The following METTL2B variants were observed in gnomAD, a reference collection of about 807,000 sequenced individuals.
The protein encoded by METTL2B is methyltransferase 2B, tRNA N3-cytidine.
METTL2B carries 28 observed loss-of-function variants against 51.0 expected under a neutral mutation model. The ratio of observed to expected loss-of-function variants is 0.55; its 90% CI spans 0.41 to 0.75. The LOEUF is 0.75. METTL2B is among the 30% of genes least tolerant of loss of function. The pLI, the probability that METTL2B is intolerant of heterozygous loss-of-function variation, is 0.00. For missense variants in METTL2B, 313 were observed against 460.7 expected (o/e 0.68, Z 2.93); for synonymous variants, 128 against 166.3 (o/e 0.77, Z 1.77).
chr7:128,501,769 G>A lies in METTL2B; in HGVS notation c.990G>A (p.Leu330=), dbSNP rs565126862. The A allele has an allele frequency of 6.2e-7, 1 of 1,614,036 alleles. No homozygotes were observed. The highest frequency in any genetic ancestry group is 1.1e-5 in the South Asian group (1 of 91,050). ...TRVYFFTQEE[L]DTLFTTAGLE... Reference sequence around the variant, plus strand: ...TTTTATTTTCCACACTAGAGGAACTGGACACGCTTTTCACCACTGCTGGAC... The same window carrying A: ...TTTTATTTTCCACACTAGAGGAACTAGACACGCTTTTCACCACTGCTGGAC... Residue 330 remains leucine (L), a synonymous_variant, in exon 9 of 9, where the codon CTG becomes CTA. Transcript: ENST00000262432.
chr7:128,492,524 C>T (rs910304973), intron 5 of METTL2B, among the ~76,000 whole-genome samples: 3 of 152,140 alleles, frequency 2.0e-5, no homozygotes, highest in Non-Finnish European at 4.4e-5. Flanking sequence ...TCAAGTGATC[C>T]TCCTGCCTCA....
intron 7 of METTL2B, among the ~76,000 whole-genome samples, chr7:128,500,666 G>T (rs1283535871): frequency 6.6e-6 from 1 of 152,052 alleles, no homozygotes; most frequent in Non-Finnish European, 1.5e-5. Flanking sequence ...AGTTTAATAG[G>T]GTTGGGAGAG....
intron 7 of METTL2B, among the ~76,000 whole-genome samples, chr7:128,500,196 A>G (rs1265630690): frequency 2.0e-5 from 3 of 152,240 alleles, no homozygotes; most frequent in Non-Finnish European, 4.4e-5. Context: ...AAGCATGTTC[A>G]TGATCAAAAC....
intron 4 of METTL2B, chr7:128,483,005 T>G (rs1349620103): frequency 2.0e-5 from 3 of 152,222 alleles, no homozygotes; most frequent in Non-Finnish European, 4.4e-5. Flanking sequence ...TACATTTAAA[T>G]ATTTCTACAA....
intron 5 of METTL2B, chr7:128,488,740 G>A: frequency 3.4e-6 from 1 of 297,706 alleles, no homozygotes; most frequent in Non-Finnish European, 6.8e-6. Flanking sequence ...CGTTGCCCAG[G>A]CTGGTCTCGA....
chr7:128,479,051 A>C (rs1300536866), intron 2 of METTL2B, 107 bp from the exon 3 acceptor site: 2 of 1,210,712 alleles, frequency 1.7e-6, no homozygotes, highest in Non-Finnish European at 2.3e-6. Context: ...CTACCTGAGG[A>C]TAATTTTAGT....
Position 128,479,176 on chromosome 7 carries a change from C to T in METTL2B, c.221C>T (p.Ala74Val), listed in dbSNP as rs770950888. Reference protein sequence around the residue: ...QEKQVDYEINAHKYWNDFYKI... With the variant: ...QEKQVDYEINVHKYWNDFYKI... ...TTTACAGTTGATTATGAGATCAATG[C>T]CCACAAATACTGGAATGACTTCTAC... Residue 74 changes from alanine to valine, a missense_variant, in exon 3 of 9, where the codon GCC becomes GTC. Physicochemically the swap from Ala to Val is moderately conservative, Grantham distance 64 (BLOSUM62 0). Around this residue, in one of 4 missense-constraint regions of METTL2B, gnomAD observed 67 missense variants for 101.4 expected, o/e 0.66. Coordinates refer to ENST00000262432, the MANE Select transcript of METTL2B (RefSeq NM_018396.3). The T allele has an allele frequency of 1.2e-6, 2 of 1,612,186 alleles. No homozygotes were observed. The highest frequency in any genetic ancestry group is 1.7e-5 in the Admixed American group (1 of 59,934).
chr7:128,484,863 G>A (rs1428576792), intron 4 of METTL2B, among the ~76,000 whole-genome samples: 1 of 152,170 alleles, frequency 6.6e-6, no homozygotes, highest in Non-Finnish European at 1.5e-5. Flanking sequence ...TTACAGGCGT[G>A]AGCCACCGCA....
chr7:128,497,173 CTT>C (rs1001636231), intron 6 of METTL2B, among the ~76,000 whole-genome samples: 1 of 152,176 alleles, frequency 6.6e-6, no homozygotes, highest in African/African-American at 2.4e-5. Flanking sequence ...TGCACCAAGA[CTT>C]TTGAAGAACA....
Position 128,503,170 on chromosome 7 carries a change from C to G in METTL2B, c.*1254C>G, listed in dbSNP as rs1793061510. 6.6e-6 allele frequency: 1 copy of G among 152,424 alleles called. No individual in the cohort carries two copies. Among genetic ancestry groups the G allele is most frequent in the Non-Finnish European group, 1.5e-5 (1 of 68,390 alleles). 9.4% of individuals were successfully genotyped at this position (152,424 alleles called of 1,614,324 possible). The stretch of plus-strand genomic sequence containing the variant: ...CTGTAGTCCCCTGTAGTCCCAGCTA[C>G]TCGGGAGGCTAAGGCAGGAGAATCG... On this transcript the variant is annotated 3_prime_UTR_variant, in exon 9 of 9. Coordinates refer to ENST00000262432, the MANE Select transcript of METTL2B (RefSeq NM_018396.3).
rs181925512 is a variant in METTL2B, at chr7:128,489,075, A to G, written c.669+914A>G. On this transcript the variant is annotated intron_variant, in intron 5 of 8. Transcript: ENST00000262432. ...GGTTGCAGTGAGCTGAGATCGCGCC[A>G]CTGCACTCCAGCTAGACGACAGAGC... Among the ~76,000 whole-genome samples, 748 of 152,306 alleles carry G rather than the reference A, an allele frequency of 4.9e-3. 8 individuals are homozygous for G. Among genetic ancestry groups the G allele is most frequent in the African/African-American group, 0.017 (705 of 41,568 alleles).
rs746365824 is a variant in METTL2B at position 128,498,155 on chromosome 7, T to C, written c.916+13T>C. Reference sequence around the variant, plus strand: ...CGGTTTAAAAAAGGTATTTTGAGAGTGCTGAATCCTAACCACTAGAGATCA... The same window carrying C: ...CGGTTTAAAAAAGGTATTTTGAGAGCGCTGAATCCTAACCACTAGAGATCA... On this transcript the variant is annotated intron_variant, in intron 7 of 8. Transcript: ENST00000262432. The C allele has an allele frequency of 2.5e-6, 4 of 1,611,958 alleles. No homozygotes were observed. The highest frequency in any genetic ancestry group is 2.7e-5 in the African/African-American group (2 of 74,742).
At chr7:128,478,314 G>A (rs192286655) in intron 2 of METTL2B, among the ~76,000 whole-genome samples, 1 of 150,338 alleles carries the variant, frequency 6.7e-6, no homozygotes, top group African/African-American at 2.5e-5. Context: ...GCAGTGGCGC[G>A]ATCTCAGCTC....
chr7:128,494,903 G>A (rs558152646), intron 6 of METTL2B, among the ~76,000 whole-genome samples: 12 of 151,994 alleles, frequency 7.9e-5, no homozygotes, highest in Non-Finnish European at 1.3e-4. Flanking sequence ...GGGATTACAG[G>A]TGTGAGCCAC....
intron 4 of METTL2B, among the ~76,000 whole-genome samples, chr7:128,487,527 C>T (rs1216971216): frequency 6.6e-6 from 1 of 152,126 alleles, no homozygotes; most frequent in East Asian, 1.9e-4. Flanking sequence ...CTACCTTGTG[C>T]TGAGACTTGT....
At chr7:128,495,491 C>A (rs1420664459) in intron 6 of METTL2B, among the ~76,000 whole-genome samples, 2 of 151,956 alleles carry the variant, frequency 1.3e-5, no homozygotes, top group Non-Finnish European at 2.9e-5. Flanking sequence ...CACTCTGTTG[C>A]CCAGGCTGGA....
rs1302929893 is a variant in METTL2B, at chr7:128,501,950, T to C, written c.*34T>C. ...TGCTGCCAACACGATGCAAGCCCGT[T>C]GTGTTTCCGAGCTTTTTTAAAAAAA... On this transcript the variant is annotated 3_prime_UTR_variant, in exon 9 of 9. Coordinates refer to ENST00000262432, the MANE Select transcript of METTL2B (RefSeq NM_018396.3). The C allele has an allele frequency of 1.9e-6, 3 of 1,608,852 alleles. No homozygotes were observed. Among genetic ancestry groups the C allele is most frequent in the Non-Finnish European group, 2.5e-6 (3 of 1,176,730 alleles).
chr7:128,498,427 G>A (rs1258573482), intron 7 of METTL2B, among the ~76,000 whole-genome samples: 1 of 151,572 alleles, frequency 6.6e-6, no homozygotes, highest in Non-Finnish European at 1.5e-5. Flanking sequence ...AACCTCCATG[G>A]CACGTGTATA....
intron 4 of METTL2B, among the ~76,000 whole-genome samples, chr7:128,486,454 A>G (rs1055272949): frequency 2.6e-5 from 4 of 151,566 alleles, no homozygotes; most frequent in African/African-American, 9.7e-5. Context: ...ACAAAAATTA[A>G]CAAGGCATGG....
Sources: gnomAD v4.1 joint callset for allele counts (sites outside exome capture counted in the v4.1 genomes callset) on GRCh38, gnomAD v4.1.1 for gene constraint, gnomAD v4.1.1 regional missense constraint, MANE v1.5 for transcripts, NCBI Gene and HGNC (gene_info 2026-07-23, HGNC 2026-07-21) for gene names.